Variants in PIKFYVE observed in about 807,000 individuals in gnomAD.
PIKFYVE encodes the protein phosphoinositide kinase, FYVE-type zinc finger containing, also known as 1-phosphatidylinositol 3-phosphate 5-kinase.
Under a neutral mutation model 257.9 loss-of-function variants are expected in PIKFYVE, and 122 were observed. The ratio of observed to expected loss-of-function variants is 0.47; its 90% confidence interval spans 0.41 to 0.55. The LOEUF (loss-of-function observed/expected upper bound fraction) is 0.55, where lower values mean the gene tolerates loss of function less well. Ranked by LOEUF, PIKFYVE falls within the 20% of genes least tolerant of loss-of-function variation. The pLI, the probability that PIKFYVE is intolerant of heterozygous loss-of-function variation, is 0.00. For missense variants in PIKFYVE, 2,160 were observed against 2,536.6 expected (o/e 0.85, Z 3.19); for synonymous variants, 892 against 868.9 (o/e 1.03, Z -0.47).
chr2:208,340,276 C>T, intron 31 of PIKFYVE, 145 bp downstream of exon 31: 1 of 1,096,544 alleles, frequency 9.1e-7, no homozygotes. Context: ...TCTTTTGATA[C>T]AATGTAATTT....
At chr2:208,287,383 C>T (rs1484414260) in intron 6 of PIKFYVE, among the ~76,000 whole-genome samples, 1 of 151,256 alleles carries the variant, frequency 6.6e-6, no homozygotes, top group East Asian at 1.9e-4. Flanking sequence ...AAGCGATTCT[C>T]CTGCCTCAAC....
intron 12 of PIKFYVE, among the ~76,000 whole-genome samples, chr2:208,305,999 A>G (rs772407752): frequency 1.3e-5 from 2 of 152,240 alleles, no homozygotes; most frequent in Non-Finnish European, 2.9e-5. Context: ...CGAGCCTAAG[A>G]ATATGATCAG....
intron 3 of PIKFYVE, among the ~76,000 whole-genome samples, chr2:208,276,022 G>T (rs530165832): frequency 3.2e-4 from 49 of 152,350 alleles, no homozygotes; most frequent in Middle Eastern, 3.4e-3. Context: ...GCTATGTCAG[G>T]TATAAATGAT....
chr2:208,293,943 C>A (rs1247719249), intron 7 of PIKFYVE, among the ~76,000 whole-genome samples: 1 of 152,126 alleles, frequency 6.6e-6, no homozygotes, highest in Admixed American at 6.5e-5. Context: ...GCTTCCTGGA[C>A]CTGTGGCTTG....
chr2:208,343,978 G>T (rs1202741595), intron 32 of PIKFYVE, among the ~76,000 whole-genome samples: 1 of 151,722 alleles, frequency 6.6e-6, no homozygotes, highest in Non-Finnish European at 1.5e-5. Context: ...CACCATGCCC[G>T]GCTAATTTTT....
chr2:208,340,163 AG>A (rs1361409903), intron 31 of PIKFYVE, 32 bp downstream of exon 31: 5 of 1,611,764 alleles, frequency 3.1e-6, no homozygotes, highest in South Asian at 2.2e-5. Context: ...GGCTCTTAGC[AG>A]GGGGGTTATT....
Position 208,350,100 on chromosome 2 carries a change from A to G in PIKFYVE, c.5434+17A>G, listed in dbSNP as rs557409730. The G allele has an allele frequency of 1.2e-6, 2 of 1,612,258 alleles. No homozygotes were observed. The highest frequency in any genetic ancestry group is 1.7e-6 in the Non-Finnish European group (2 of 1,178,842). ...TGGAACTTCGTAAGTATGAGATATT[A>G]TATCATTGGTTTGGGGAGAGGGACT... On this transcript the variant is annotated intron_variant, in intron 36 of 41. Transcript: ENST00000264380.
chr2:208,336,289 A>G lies in PIKFYVE; in HGVS notation c.4520+89A>G, dbSNP rs981634111. On this transcript the variant is annotated intron_variant, in intron 27 of 41. Coordinates refer to ENST00000264380, the MANE Select transcript of PIKFYVE (RefSeq NM_015040.4). ...AAAACTTAAAAATTTTTAATTATGG[A>G]TGTTTCATTTTGTGCTCAAGTTAAA... 7.5e-6 allele frequency: 11 copies of G among 1,475,526 alleles called. No individual in the cohort carries two copies. The African/African-American group carries it at 1.5e-4, about 21-fold the overall frequency. The allele number at this position is 1,475,526 out of a possible 1,614,324, so 91.4% of individuals were successfully genotyped here. A position where few individuals can be genotyped will look rare whatever the true frequency, so the allele number is the denominator to read the frequency against.
At chr2:208,301,375 C>T (rs1009867020) in intron 9 of PIKFYVE, among the ~76,000 whole-genome samples, 4 of 152,118 alleles carry the variant, frequency 2.6e-5, no homozygotes, top group Non-Finnish European at 5.9e-5. Context: ...GTAGCTGGAA[C>T]CTAAGGCCAA....
chr2:208,276,894 T>A, intron 4 of PIKFYVE, 64 bp downstream of exon 4: 2 of 1,349,468 alleles, frequency 1.5e-6, no homozygotes, highest in Non-Finnish European at 2.1e-6. Context: ...CCATACCTAA[T>A]GAAAATGGCT....
chr2:208,326,425 C>T lies in PIKFYVE; in HGVS notation c.3614C>T (p.Thr1205Ile). The T allele has an allele frequency of 6.2e-7, 1 of 1,613,904 alleles. No homozygotes were observed. The highest frequency in any genetic ancestry group is 8.5e-7 in the Non-Finnish European group (1 of 1,179,882). ...GLILSDAVWS[T>I]KVDCLNPINH... ...ATTCTGAGTGATGCTGTGTGGTCAA[C>T]AAAGGTGAGCCAGACCACTTTCTGA... is the stretch of plus-strand genomic sequence containing the variant. The change falls in exon 20 of 42, where the codon ACA becomes ATA. Residue 1205 changes from threonine (T) to isoleucine (I), a missense_variant. Around this residue, in one of 12 missense-constraint regions of PIKFYVE, gnomAD observed 522 missense variants for 514.6 expected, o/e 1.01. Transcript: ENST00000264380.
At position 208,325,511 on chromosome 2, in the gene PIKFYVE, G is replaced by T. The variant is rs754579824; in HGVS notation, c.2700G>T (p.Gly900=). Residue 900 remains glycine (G), a synonymous_variant, in exon 20 of 42, where the codon GGG becomes GGT. Coordinates refer to ENST00000264380, the MANE Select transcript of PIKFYVE (RefSeq NM_015040.4). ...HSLIEGRGHE[G]AVQEQYGGGS... Reference sequence around the variant, plus strand: ...TGATTGAGGGACGAGGGCATGAGGGGGCTGTCCAAGAGCAGTACGGTGGAG... The same window carrying T: ...TGATTGAGGGACGAGGGCATGAGGGTGCTGTCCAAGAGCAGTACGGTGGAG... The T allele has an allele frequency of 6.2e-7, 1 of 1,614,154 alleles. No homozygotes were observed. Among genetic ancestry groups the T allele is most frequent in the Admixed American group, 1.7e-5 (1 of 60,014 alleles).
intron 15 of PIKFYVE, among the ~76,000 whole-genome samples, chr2:208,317,597 G>C (rs1695692490): frequency 6.6e-6 from 1 of 152,128 alleles, no homozygotes; most frequent in Non-Finnish European, 1.5e-5. Flanking sequence ...TTAAACAATA[G>C]TGTTAACTGC....
rs190484766 is a variant in PIKFYVE, at chr2:208,310,899, T to G, written c.1637-1337T>G. 6.1e-3 allele frequency among the ~76,000 whole-genome samples: 925 copies of G among 152,324 alleles called. 6 individuals are homozygous for G. The highest frequency in any genetic ancestry group is 0.02 in the Admixed American group (313 of 15,296). ...ACTTGAGTATGGGCTAATTCTGTGC[T>G]ATTAAGACATTGTTAATTTTCTCAA... On this transcript the variant is annotated intron_variant, in intron 12 of 41. Coordinates refer to ENST00000264380, the MANE Select transcript of PIKFYVE (RefSeq NM_015040.4).
At chr2:208,304,038 A>T in intron 10 of PIKFYVE, 133 bp from the exon 11 acceptor site, 2 of 1,181,262 alleles carry the variant, frequency 1.7e-6, no homozygotes, top group Non-Finnish European at 2.4e-6. Context: ...GGTTTTTGTT[A>T]ATTTGTTTAT....
intron 12 of PIKFYVE, among the ~76,000 whole-genome samples, chr2:208,308,022 T>C (rs561734570): frequency 2.0e-5 from 3 of 152,206 alleles, no homozygotes; most frequent in Non-Finnish European, 4.4e-5. Context: ...ATGTATAAAA[T>C]ATGGAATGAT....
intron 1 of PIKFYVE, among the ~76,000 whole-genome samples, chr2:208,266,763 G>A (rs1688688694): frequency 6.6e-6 from 1 of 152,194 alleles, no homozygotes; most frequent in Non-Finnish European, 1.5e-5. Flanking sequence ...CTGAGTGCAT[G>A]AGTTCTGAGT....
At chr2:208,277,219 C>T (rs757779821) in intron 4 of PIKFYVE, among the ~76,000 whole-genome samples, 7 of 152,088 alleles carry the variant, frequency 4.6e-5, no homozygotes, top group Non-Finnish European at 1.0e-4. Flanking sequence ...TTATAAATTC[C>T]ACCGTAAGTC....
At chr2:208,275,854 A>G (rs944454754) in intron 3 of PIKFYVE, among the ~76,000 whole-genome samples, 2 of 152,292 alleles carry the variant, frequency 1.3e-5, no homozygotes, top group Non-Finnish European at 2.9e-5. Context: ...TCTTTGCTTC[A>G]TGCTTAGGTT....
Sources: gnomAD v4.1 joint callset for allele counts (sites outside exome capture counted in the v4.1 genomes callset) on GRCh38, gnomAD v4.1.1 for gene constraint, gnomAD v4.1.1 regional missense constraint, MANE v1.5 for transcripts, NCBI Gene and HGNC (gene_info 2026-07-23, HGNC 2026-07-21) for gene names.